MTUS2: variants seen among roughly 807,000 people sequenced by gnomAD.
The protein encoded by MTUS2 is microtubule associated scaffold protein 2, also known as microtubule-associated tumor suppressor candidate 2.
A neutral mutation model predicts 114.1 loss-of-function variants in MTUS2; 40 were observed. That is an observed-to-expected ratio of 0.35 (90% CI 0.27 to 0.46). The LOEUF (loss-of-function observed/expected upper bound fraction) is 0.46, where lower values mean the gene tolerates loss of function less well. MTUS2 is among the 20% of genes least tolerant of loss of function. The probability of loss-of-function intolerance (pLI) is 1.00; values close to 1 mark genes in which losing one functional copy is unlikely to be tolerated. For synonymous variants in MTUS2, 688 were observed against 672.0 expected, an observed-to-expected ratio of 1.02 and a Z score of -0.37; for missense variants, 1,679 against 1,705.4, an observed-to-expected ratio of 0.98 and a Z score of 0.27.
intron 5 of MTUS2, among the ~76,000 whole-genome samples, chr13:29,143,118 C>T (rs758600829): frequency 6.6e-6 from 1 of 152,198 alleles, no homozygotes; most frequent in African/African-American, 2.4e-5. Flanking sequence ...AGCAATAAAT[C>T]GAGCTTAGCA....
At chr13:28,943,490 TA>T (rs1401592722) in intron 2 of MTUS2, among the ~76,000 whole-genome samples, 19 of 152,340 alleles carry the variant, frequency 1.2e-4, no homozygotes, top group Admixed American at 3.3e-4. Flanking sequence ...CAAATGTGGC[TA>T]GGGGTGACAT....
rs149582852 is a variant in MTUS2, at chr13:29,347,598, G to T, written c.2906-11664G>T. On this transcript the variant is annotated intron_variant, in intron 7 of 15. Coordinates refer to ENST00000612955, the MANE Select transcript of MTUS2 (RefSeq NM_001033602.4). ...GACACGTGTGGGGTTTCCACACCAA[G>T]CAATTATCCACTTCTCTGTGGACGC... Among the ~76,000 whole-genome samples the T allele has an allele frequency of 7.6e-3, 1,154 of 151,758 alleles. 16 individuals are homozygous for T. Among genetic ancestry groups the T allele is most frequent in the African/African-American group, 0.027 (1,106 of 41,316 alleles).
intron 6 of MTUS2, among the ~76,000 whole-genome samples, chr13:29,302,321 C>A (rs997174642): frequency 6.6e-6 from 1 of 152,176 alleles, no homozygotes; most frequent in Non-Finnish European, 1.5e-5. Context: ...ACCTGGAAAA[C>A]CATGCTTCTC....
At chr13:29,216,588 T>C (rs577748440) in intron 5 of MTUS2, among the ~76,000 whole-genome samples, 1 of 152,318 alleles carries the variant, frequency 6.6e-6, no homozygotes, top group South Asian at 2.1e-4. Flanking sequence ...GCAGAGTCCC[T>C]TATGGCTTCC....
At chr13:29,355,243 C>G (rs747065269) in intron 7 of MTUS2, among the ~76,000 whole-genome samples, 4 of 152,226 alleles carry the variant, frequency 2.6e-5, no homozygotes, top group Non-Finnish European at 5.9e-5. Flanking sequence ...CCTTTGCACG[C>G]AAACTGTTTG....
intron 8 of MTUS2, among the ~76,000 whole-genome samples, chr13:29,399,694 C>T (rs575215861): frequency 2.0e-5 from 3 of 151,722 alleles, no homozygotes; most frequent in African/African-American, 2.4e-5. Flanking sequence ...AGTGGGCCAA[C>T]GTATGAAAGT....
chr13:29,239,670 T>G (rs1896663290), intron 5 of MTUS2: 1 of 152,116 alleles, frequency 6.6e-6, no homozygotes, highest in African/African-American at 2.4e-5. Context: ...CATACACACA[T>G]GTGTGGGGAA....
At chr13:29,174,062 A>G (rs1278090868) in intron 5 of MTUS2, among the ~76,000 whole-genome samples, 3 of 152,152 alleles carry the variant, frequency 2.0e-5, no homozygotes, top group African/African-American at 4.8e-5. Flanking sequence ...ATTTGATTTT[A>G]TATTAATTAT....
At chr13:29,500,584 C>A (rs987580364) in intron 14 of MTUS2, among the ~76,000 whole-genome samples, 2 of 152,112 alleles carry the variant, frequency 1.3e-5, no homozygotes, top group African/African-American at 4.8e-5. Flanking sequence ...AGCGTGCTTA[C>A]ATTATTTAGA....
At chr13:28,990,005 G>T (rs1254314353) in intron 2 of MTUS2, among the ~76,000 whole-genome samples, 2 of 152,124 alleles carry the variant, frequency 1.3e-5, no homozygotes, top group Non-Finnish European at 2.9e-5. Context: ...CCTAACCAGG[G>T]CTTATATGGA....
At chr13:29,188,793 C>T (rs1285280665) in intron 5 of MTUS2, among the ~76,000 whole-genome samples, 2 of 152,176 alleles carry the variant, frequency 1.3e-5, no homozygotes, top group African/African-American at 4.8e-5. Flanking sequence ...TAGTAGCCAC[C>T]CCTCTGCAGT....
intron 2 of MTUS2, among the ~76,000 whole-genome samples, chr13:28,898,927 A>G (rs1202702809): frequency 6.6e-6 from 1 of 152,222 alleles, no homozygotes; most frequent in Non-Finnish European, 1.5e-5. Flanking sequence ...AAAATAAAAT[A>G]ACACAAAGAC....
At chr13:29,382,173 G>A (rs895873127) in intron 8 of MTUS2, among the ~76,000 whole-genome samples, 4 of 152,180 alleles carry the variant, frequency 2.6e-5, no homozygotes, top group Non-Finnish European at 4.4e-5. Context: ...AAGGGAATGG[G>A]AGGAACTATT....
At chr13:29,446,733 A>G (rs531030280) in intron 9 of MTUS2, among the ~76,000 whole-genome samples, 1 of 152,328 alleles carries the variant, frequency 6.6e-6, no homozygotes, top group African/African-American at 2.4e-5. Context: ...AATCAAGATT[A>G]TGGTGGATTT....
chr13:29,106,125 C>T (rs576923956), intron 5 of MTUS2, among the ~76,000 whole-genome samples: 1 of 152,300 alleles, frequency 6.6e-6, no homozygotes, highest in South Asian at 2.1e-4. Flanking sequence ...GGACACAATG[C>T]TCATATCTGT....
intron 2 of MTUS2, among the ~76,000 whole-genome samples, chr13:28,951,665 G>T (rs949531083): frequency 2.6e-5 from 4 of 152,026 alleles, no homozygotes; most frequent in African/African-American, 9.7e-5. Context: ...TGGGTGTGGT[G>T]GTGCACGCCT....
At chr13:28,828,452 G>T (rs1327269062) in intron 1 of MTUS2, among the ~76,000 whole-genome samples, 1 of 152,140 alleles carries the variant, frequency 6.6e-6, no homozygotes, top group African/African-American at 2.4e-5. Context: ...AATCACAAGA[G>T]CATTGATTGG....
chr13:28,833,020 A>G (rs1450066637), intron 1 of MTUS2, among the ~76,000 whole-genome samples: 1 of 152,146 alleles, frequency 6.6e-6, no homozygotes, highest in Non-Finnish European at 1.5e-5. Context: ...CTGACTCAAG[A>G]AGAAAGGGCA....
At chr13:29,284,322 C>A (rs1468808326) in intron 6 of MTUS2, among the ~76,000 whole-genome samples, 3 of 151,058 alleles carry the variant, frequency 2.0e-5, no homozygotes, top group African/African-American at 7.3e-5. Flanking sequence ...ATGTAGTCGA[C>A]TATGTTTTAT....
Sources: allele counts gnomAD v4.1 joint callset (sites outside exome capture counted in the v4.1 genomes callset), GRCh38; gene constraint gnomAD v4.1.1; transcripts MANE v1.5; gene names NCBI Gene and HGNC (gene_info 2026-07-23, HGNC 2026-07-21).